Variants in WDPCP observed in about 807,000 individuals in gnomAD.
WDPCP encodes WD repeat-containing and planar cell polarity effector protein fritz homolog.
Under a neutral mutation model 93.1 loss-of-function variants are expected in WDPCP, and 71 were observed. The observed-to-expected ratio is 0.76, with a 90% confidence interval of 0.63 to 0.93. The LOEUF (loss-of-function observed/expected upper bound fraction) is 0.93, where lower values mean the gene tolerates loss of function less well. WDPCP is among the 40% of genes least tolerant of loss of function. The pLI is 0.00. For missense variants in WDPCP, 844 were observed against 887.4 expected (o/e 0.95, Z 0.62); for synonymous variants, 315 against 315.0 (o/e 1.00, Z 0.00).
chr2:63,530,400 G>A (rs1037013751), intron 1 of WDPCP, among the ~76,000 whole-genome samples: 1 of 152,158 alleles, frequency 6.6e-6, no homozygotes, highest in African/African-American at 2.4e-5. Flanking sequence ...GGTATGCTGT[G>A]TCTTTGTTCT....
intron 1 of WDPCP, among the ~76,000 whole-genome samples, chr2:63,534,641 C>G (rs554345031): frequency 1.7e-4 from 26 of 152,186 alleles, no homozygotes; most frequent in Non-Finnish European, 2.2e-4. Context: ...GCAGAAAAGG[C>G]CTCTGACAAA....
intron 10 of WDPCP, chr2:63,403,791 G>A (rs956859534): frequency 2.2e-4 from 99 of 448,586 alleles, no homozygotes; most frequent in Non-Finnish European, 1.9e-4. Flanking sequence ...ATTTTAGAGC[G>A]TATCAAATGT....
chr2:63,588,970 T>C, upstream of WDPCP: 1 of 1,606,798 alleles, frequency 6.2e-7, no homozygotes, highest in Non-Finnish European at 8.5e-7. Flanking sequence ...TCCGAGTCAG[T>C]TCCGCGGTAG....
chr2:63,275,198 T>G (rs1438757081), intron 13 of WDPCP, among the ~76,000 whole-genome samples: 6 of 152,064 alleles, frequency 3.9e-5, no homozygotes, highest in Admixed American at 3.9e-4. Flanking sequence ...CAAAAACCAT[T>G]TGATCATCAA....
chr2:63,395,609 C>T (rs1463684725), intron 10 of WDPCP, among the ~76,000 whole-genome samples: 4 of 152,054 alleles, frequency 2.6e-5, no homozygotes, highest in Admixed American at 6.5e-5. Context: ...CATCAGCTTC[C>T]GGAGAGGTGG....
intron 13 of WDPCP, among the ~76,000 whole-genome samples, chr2:63,268,508 C>G (rs1426528478): frequency 6.6e-6 from 1 of 151,922 alleles, no homozygotes; most frequent in East Asian, 1.9e-4. Flanking sequence ...ACTCTGTCAC[C>G]CAGGCTGCAG....
chr2:63,482,804 T>C (rs1487220110), intron 6 of WDPCP, among the ~76,000 whole-genome samples: 2 of 151,892 alleles, frequency 1.3e-5, no homozygotes, highest in Admixed American at 6.6e-5. Context: ...TTTAGAAATA[T>C]CTTTATAATC....
At chr2:63,203,320 T>A (rs1446380423) in intron 14 of WDPCP, among the ~76,000 whole-genome samples, 1 of 152,172 alleles carries the variant, frequency 6.6e-6, no homozygotes, top group East Asian at 1.9e-4. Flanking sequence ...AACAATCCAA[T>A]TATACTCTTT....
intron 2 of WDPCP, among the ~76,000 whole-genome samples, chr2:63,701,264 AT>A (rs1669046067): frequency 6.6e-6 from 1 of 152,226 alleles, no homozygotes; most frequent in Non-Finnish European, 1.5e-5. Context: ...AATGCTCAAC[AT>A]TGCTAGTCAT....
chr2:63,502,846 G>C (rs1029553738), intron 1 of WDPCP, among the ~76,000 whole-genome samples: 2 of 151,788 alleles, frequency 1.3e-5, no homozygotes, highest in African/African-American at 4.8e-5. Flanking sequence ...GCTGTGCAAA[G>C]TGCCAAAGAG....
chr2:63,273,282 C>T (rs1682797017), intron 13 of WDPCP, among the ~76,000 whole-genome samples: 1 of 152,026 alleles, frequency 6.6e-6, no homozygotes, highest in Admixed American at 6.6e-5. Context: ...ATGATATCTA[C>T]CACCATGAAA....
intron 2 of WDPCP, among the ~76,000 whole-genome samples, chr2:63,769,944 C>G (rs1670200684): frequency 6.6e-6 from 1 of 151,886 alleles, no homozygotes; most frequent in Non-Finnish European, 1.5e-5. Flanking sequence ...TGTTATTCAA[C>G]ACGGCTCATT....
rs1446264051 is a variant in WDPCP at position 63,595,363 on chromosome 2, C to G, written n.488+55296G>C. ...ACCAAATAAAAACTATGTGAAAAGA[C>G]TTTCTTGTGTCTAAATGAAATAGCC... On this transcript the variant is annotated intron_variant and non_coding_transcript_variant, in intron 3 of 4. Transcript: ENST00000467687. The G allele has an allele frequency of 5.7e-6, 6 of 1,049,716 alleles. No homozygotes were observed. In the East Asian group the frequency reaches 1.2e-4, roughly 21 times the overall value. The allele number at this position is 1,049,716 out of a possible 1,614,324, so 65.0% of individuals were successfully genotyped here.
chr2:63,622,967 G>C, intron 3 of WDPCP: 1 of 696,664 alleles, frequency 1.4e-6, no homozygotes, highest in Non-Finnish European at 2.4e-6. Flanking sequence ...ACCGCACGGC[G>C]CCCAAGCAGC....
chr2:63,120,656 A>C lies in WDPCP; in HGVS notation c.*1350T>G, dbSNP rs563640730. ...ATTCTCCTGCTTCAGCCTCCCAAGT[A>C]GTTGGGACTACAGGTGCACGCCACC... is the stretch of plus-strand genomic sequence containing the variant. On this transcript the variant is annotated 3_prime_UTR_variant, in exon 18 of 18. Transcript: ENST00000272321. Among the ~76,000 whole-genome samples the C allele has an allele frequency of 6.2e-4, 93 of 150,494 alleles. No individual in the cohort carries two copies. The highest frequency in any genetic ancestry group is 2.2e-3 in the African/African-American group (89 of 41,000).
In WDPCP at chr2:63,618,990, G is replaced by A. The variant is rs1342752250; in HGVS notation, n.488+31669C>T. ...AGGCATGAGCCACTGCGTCCAGCCT[G>A]GATAATCATTTTTTGTTTTAAATGG... On this transcript the variant is annotated intron_variant and non_coding_transcript_variant, in intron 3 of 4. Coordinates refer to the WDPCP transcript ENST00000467687. 2.0e-5 allele frequency among the ~76,000 whole-genome samples: 3 copies of A among 152,218 alleles called. No homozygotes were observed. The East Asian group carries it at 5.8e-4, about 29-fold the overall frequency.
intron 2 of WDPCP, among the ~76,000 whole-genome samples, chr2:63,754,006 A>T (rs1669920081): frequency 6.6e-6 from 1 of 152,226 alleles, no homozygotes; most frequent in Non-Finnish European, 1.5e-5. Context: ...TAGGGAAGGG[A>T]AAAGAGCTGC....
intron 14 of WDPCP, chr2:63,229,031 T>G (rs536867741): frequency 2.0e-5 from 3 of 152,290 alleles, no homozygotes; most frequent in South Asian, 2.1e-4. Context: ...ATGGTTGAAC[T>G]AGTTTACAGT....
chr2:63,386,886 T>C (rs781660476), intron 10 of WDPCP, among the ~76,000 whole-genome samples: 4 of 151,550 alleles, frequency 2.6e-5, no homozygotes, highest in Non-Finnish European at 5.9e-5. Context: ...CTAGAAAACC[T>C]AGAAGATATG....
Sources: allele counts gnomAD v4.1 joint callset (sites outside exome capture counted in the v4.1 genomes callset), GRCh38; gene constraint gnomAD v4.1.1; transcripts MANE v1.5; gene names NCBI Gene and HGNC (gene_info 2026-07-23, HGNC 2026-07-21).